Variants in HIF1A observed in about 807,000 individuals in gnomAD.
HIF1A encodes the protein hypoxia-inducible factor 1-alpha.
In HIF1A, 24 loss-of-function variants were observed where a neutral mutation model predicts 92.7. The ratio of observed to expected loss-of-function variants is 0.26; its 90% CI spans 0.19 to 0.36. The LOEUF (loss-of-function observed/expected upper bound fraction) is 0.36, where lower values mean the gene tolerates loss of function less well. HIF1A is among the 10% of genes least tolerant of loss of function. HIF1A has a pLI of 1.00. For missense variants in HIF1A, 799 were observed against 998.5 expected (o/e 0.80, Z 2.69); for synonymous variants, 319 against 338.7 (o/e 0.94, Z 0.64).
intron 6 of HIF1A, 116 bp downstream of exon 6, chr14:61,727,771 C>T: frequency 1.3e-6 from 1 of 784,458 alleles, no homozygotes; most frequent in East Asian, 2.6e-5. Flanking sequence ...ACCTGTAATC[C>T]CAGCACTTTG....
At chr14:61,736,481 C>T (rs1252794753) in intron 8 of HIF1A, among the ~76,000 whole-genome samples, 1 of 152,030 alleles carries the variant, frequency 6.6e-6, no homozygotes, top group Non-Finnish European at 1.5e-5. Flanking sequence ...CAACCCTTGC[C>T]CCTCTCCCCT....
intron 4 of HIF1A, among the ~76,000 whole-genome samples, chr14:61,724,349 T>TCTCTCTC (rs1555338397): frequency 4.8e-4 from 46 of 96,116 alleles, no homozygotes; most frequent in Non-Finnish European, 6.7e-4. Context: ...CACACACACA[T>TCTCTCTC]TCTCTCTCTC....
intron 10 of HIF1A, 42 bp from the exon 11 acceptor site, chr14:61,740,463 G>T: frequency 6.8e-7 from 1 of 1,474,610 alleles, no homozygotes; most frequent in Non-Finnish European, 9.2e-7. Flanking sequence ...CAAAGTATAT[G>T]GAAGCTTCTT....
chr14:61,734,846 C>T (rs2044617345), intron 8 of HIF1A, among the ~76,000 whole-genome samples: 2 of 152,162 alleles, frequency 1.3e-5, no homozygotes, highest in Admixed American at 6.5e-5. Flanking sequence ...ACCAACATGG[C>T]ACATGTATAC....
At chr14:61,698,059 T>C (rs1416696718) in intron 1 of HIF1A, 8 of 565,292 alleles carry the variant, frequency 1.4e-5, no homozygotes. Flanking sequence ...TTTAGATTTT[T>C]AAGGGAATGT....
chr14:61,725,228 A>C (rs1451736234), intron 4 of HIF1A, among the ~76,000 whole-genome samples: 1 of 152,104 alleles, frequency 6.6e-6, no homozygotes, highest in African/African-American at 2.4e-5. Flanking sequence ...CCAACTCTAC[A>C]TTGTGTTTTT....
At chr14:61,698,366 G>C (rs1186637397) in intron 1 of HIF1A, among the ~76,000 whole-genome samples, 2 of 152,184 alleles carry the variant, frequency 1.3e-5, no homozygotes, top group African/African-American at 4.8e-5. Context: ...TTGTGAGCTT[G>C]AGCAAGTTAC....
chr14:61,704,891 A>G (rs565257494), intron 1 of HIF1A, among the ~76,000 whole-genome samples: 18 of 152,274 alleles, frequency 1.2e-4, no homozygotes, highest in African/African-American at 4.3e-4. Context: ...TCATTCATTC[A>G]TAGCATATTC....
Position 61,747,232 on chromosome 14 carries a change from A to G in HIF1A, c.*147A>G, listed in dbSNP as rs1477633716. On this transcript the variant is annotated 3_prime_UTR_variant, in exon 15 of 15. Transcript: ENST00000337138. ...TTCAATTTTGATCCCCTTTCTACTT[A>G]ATTTACATTAATGCTCTTTTTTAGT... The G allele has an allele frequency of 2.8e-5, 15 of 542,496 alleles. 1 individual carries two copies. The East Asian group carries it at 4.6e-4, about 17-fold the overall frequency. The allele number at this position is 542,496 out of a possible 1,614,324, so 33.6% of individuals were successfully genotyped here.
intron 1 of HIF1A, among the ~76,000 whole-genome samples, chr14:61,699,877 TTAAC>T (rs1366961435): frequency 6.6e-6 from 1 of 152,174 alleles, no homozygotes; most frequent in African/African-American, 2.4e-5. Flanking sequence ...ATTGTTTAAA[TTAAC>T]TATAGGCTTT....
intron 1 of HIF1A, chr14:61,697,793 A>G: frequency 2.1e-6 from 3 of 1,458,856 alleles, no homozygotes; most frequent in South Asian, 1.4e-5. Flanking sequence ...TTTTTGAAAG[A>G]TAACTGAGAG....
In HIF1A at chr14:61,738,173, A is replaced by G; in HGVS notation, c.1336A>G (p.Ile446Val). 6.8e-6 allele frequency: 11 copies of G among 1,614,174 alleles called. No homozygotes were observed. Among genetic ancestry groups the G allele is most frequent in the Non-Finnish European group, 9.3e-6 (11 of 1,180,022 alleles). Residue 446 changes from isoleucine (I) to valine (V), a missense_variant, in exon 10 of 15, where the codon ATA becomes GTA. Ile to Val is a conservative substitution (Grantham distance 29, BLOSUM62 3). Coordinates refer to ENST00000337138, the MANE Select transcript of HIF1A (RefSeq NM_001530.4). Reference protein sequence around the residue: ...LPSPNEKLQNINLAMSPLPTA... With the variant: ...LPSPNEKLQNVNLAMSPLPTA... The stretch of plus-strand genomic sequence containing the variant: ...CTCACCCAACGAAAAATTACAGAAT[A>G]TAAATTTGGCAATGTCTCCATTACC...
At chr14:61,724,558 T>C (rs1038491290) in intron 4 of HIF1A, among the ~76,000 whole-genome samples, 2 of 152,144 alleles carry the variant, frequency 1.3e-5, no homozygotes, top group Non-Finnish European at 2.9e-5. Context: ...TCATAGAGTA[T>C]AGGCTGGAAT....
Position 61,747,049 on chromosome 14 carries a change from T to G in HIF1A, c.2445T>G (p.Gly815=), listed in dbSNP as rs1172010116. 1 of 1,612,776 alleles carries G rather than the reference T, an allele frequency of 6.2e-7. No homozygotes were observed. The highest frequency in any genetic ancestry group is 1.1e-5 in the South Asian group (1 of 90,750). Residue 815 remains glycine (G), a synonymous_variant, in exon 15 of 15, where the codon GGT becomes GGG. Transcript: ENST00000337138. ...AAGGCAGCAGAAACCTACTGCAGGG[T>G]GAAGAATTACTCAGAGCTTTGGATC... ...PIQGSRNLLQ[G]EELLRALDQV...
At chr14:61,736,777 A>G (rs754241096) in intron 8 of HIF1A, 112 bp from the exon 9 acceptor site, 6 of 681,930 alleles carry the variant, frequency 8.8e-6, no homozygotes, top group Non-Finnish European at 1.5e-5. Flanking sequence ...AGAAATCTTG[A>G]AATGTTCCTG....
intron 1 of HIF1A, among the ~76,000 whole-genome samples, chr14:61,705,408 G>C (rs2044228666): frequency 6.6e-6 from 1 of 151,026 alleles, no homozygotes; most frequent in Non-Finnish European, 1.5e-5. Flanking sequence ...CTTCAACACT[G>C]CTTTAACTCT....
In HIF1A at chr14:61,738,094, A is replaced by G. The variant is rs755627627; in HGVS notation, c.1257A>G (p.Glu419=). The G allele has an allele frequency of 2.0e-5, 32 of 1,597,034 alleles. No homozygotes were observed. In the East Asian group the frequency reaches 7.1e-4, roughly 36 times the overall value. Residue 419 remains glutamate (E), a synonymous_variant, in exon 10 of 15, where the codon GAA becomes GAG. Transcript: ENST00000337138. ...CATATTTTTTCCCCACAGACACAGA[A>G]ACTGATGACCAGCAACTTGAGGAAG... is the stretch of plus-strand genomic sequence containing the variant. ...ISLDFGSNDT[E]TDDQQLEEVP...
chr14:61,697,221 A>T (rs556226837), intron 1 of HIF1A, among the ~76,000 whole-genome samples: 1 of 152,328 alleles, frequency 6.6e-6, no homozygotes, highest in African/African-American at 2.4e-5. Context: ...TAGTTTGTAT[A>T]CAGCAGAGAA....
rs780928465 is a variant in HIF1A, at chr14:61,747,031, C to A, written c.2427C>A (p.Ser809Arg). The change falls in exon 15 of 15, where the codon AGC becomes AGA. Residue 809 changes from serine to arginine, a missense_variant. By Grantham distance (110) the Ser-to-Arg change is moderately radical. Around this residue, in one of 2 missense-constraint regions of HIF1A, gnomAD observed 283 missense variants for 277.5 expected, o/e 1.02. Transcript: ENST00000337138. Reference sequence around the variant, plus strand: ...AAGTTAATGCTCCTATACAAGGCAGCAGAAACCTACTGCAGGGTGAAGAAT... The same window carrying A: ...AAGTTAATGCTCCTATACAAGGCAGAAGAAACCTACTGCAGGGTGAAGAAT... ...DCEVNAPIQG[S>R]RNLLQGEELL... The A allele has an allele frequency of 6.2e-7, 1 of 1,612,846 alleles. No homozygotes were observed. Among genetic ancestry groups the A allele is most frequent in the Admixed American group, 1.7e-5 (1 of 59,882 alleles).
Sources: allele counts gnomAD v4.1 joint callset (sites outside exome capture counted in the v4.1 genomes callset), GRCh38; gene constraint gnomAD v4.1.1; regional missense constraint gnomAD v4.1.1; transcripts MANE v1.5; gene names NCBI Gene and HGNC (gene_info 2026-07-23, HGNC 2026-07-21).